Variants in CATSPERG observed in about 807,000 individuals in gnomAD.
CATSPERG encodes catsper channel auxiliary subunit gamma.
Under a neutral mutation model 145.0 loss-of-function variants are expected in CATSPERG, and 115 were observed. That is an observed-to-expected ratio of 0.79 (90% confidence interval 0.68 to 0.93). The LOEUF (loss-of-function observed/expected upper bound fraction) is 0.93. CATSPERG is among the 40% of genes least tolerant of loss of function. The pLI, the probability that CATSPERG is intolerant of heterozygous loss-of-function variation, is 0.00. For missense variants in CATSPERG, 1,296 were observed against 1,490.1 expected (o/e 0.87, Z 2.14); for synonymous variants, 588 against 589.0 (o/e 1.00, Z 0.02).
At chr19:38,354,580 A>T (rs1334773769) in intron 8 of CATSPERG, 130 bp from the exon 9 acceptor site, 1 of 1,069,666 alleles carries the variant, frequency 9.3e-7, no homozygotes, top group Non-Finnish European at 1.3e-6. Flanking sequence ...GCTCCCTGAC[A>T]CCACACTGAA....
In CATSPERG at chr19:38,346,591, T is replaced by TTC; in HGVS notation, c.818_819dup (p.Val274SerfsTer4). The stretch of plus-strand genomic sequence containing the variant: ...GATGACTGACACCAGCTTCAAGGAC[T>TTC]TCTCTCTCGTGGAGGTGAACGGTGT... On this transcript the variant is annotated frameshift_variant, in exon 7 of 29. Transcript: ENST00000409235. LOFTEE classifies it high-confidence loss of function. 1 of 1,551,150 alleles carries TTC rather than the reference T, an allele frequency of 6.4e-7. No individual in the cohort carries two copies. The highest frequency in any genetic ancestry group is 8.7e-7 in the Non-Finnish European group (1 of 1,146,536).
At position 38,360,533 on chromosome 19, in the gene CATSPERG, C is replaced by T. The variant is rs746772610; in HGVS notation, c.1653C>T (p.Phe551=). Reference sequence around the variant, plus strand: ...GCAGCTACCGGGTCTACCAGCTGTTCCCTTCCAAGGGCTGGCAGGTGCACA... The same window carrying T: ...GCAGCTACCGGGTCTACCAGCTGTTTCCTTCCAAGGGCTGGCAGGTGCACA... The part of the protein sequence containing the change: ...LEGSYRVYQL[F]PSKGWQVHIS... The change falls in exon 15 of 29, where the codon TTC becomes TTT. Residue 551 remains phenylalanine (F), a synonymous_variant. Transcript: ENST00000409235. The T allele has an allele frequency of 6.2e-7, 1 of 1,614,164 alleles. No individual in the cohort carries two copies. Among genetic ancestry groups the T allele is most frequent in the African/African-American group, 1.3e-5 (1 of 75,044 alleles).
In CATSPERG at chr19:38,343,369, C is replaced by T. The variant is rs1385060625; in HGVS notation, c.325-211C>T. Among the ~76,000 whole-genome samples, 4 of 152,196 alleles carry T rather than the reference C, an allele frequency of 2.6e-5. No homozygotes were observed. The South Asian group carries it at 6.2e-4, about 24-fold the overall frequency. ...ATCTCCTCCAGGAAGGCCTCCGACT[C>T]CCTCCACAGCCCCTTACCCCTCTGC... On this transcript the variant is annotated intron_variant, in intron 3 of 28. Transcript: ENST00000409235.
intron 13 of CATSPERG, among the ~76,000 whole-genome samples, chr19:38,359,240 C>A (rs1365226610): frequency 6.6e-6 from 1 of 152,086 alleles, no homozygotes; most frequent in Non-Finnish European, 1.5e-5. Flanking sequence ...CCTGAGCCAC[C>A]TTCTTGGGTG....
Position 38,360,733 on chromosome 19 carries a change from G to A in CATSPERG, c.1770G>A (p.Leu590=), listed in dbSNP as rs1363721615. ...LFYEDSKLYQ[L]VYLMNNQKGQ... ...CTGGCCCTGCCTTCCCCCTGCAGCTGGTGTACCTTATGAACAACCAGAAGG... is the reference window on the plus strand; with the variant it reads ...CTGGCCCTGCCTTCCCCCTGCAGCTAGTGTACCTTATGAACAACCAGAAGG... Residue 590 remains leucine (L), a splice_region_variant and synonymous_variant, in exon 16 of 29, where the codon CTG becomes CTA. Coordinates refer to ENST00000409235, the MANE Select transcript of CATSPERG (RefSeq NM_021185.5). The A allele has an allele frequency of 2.5e-6, 4 of 1,614,008 alleles. No homozygotes were observed. In the African/African-American group the frequency reaches 5.3e-5, roughly 22 times the overall value.
intron 3 of CATSPERG, among the ~76,000 whole-genome samples, chr19:38,340,004 G>A (rs915203694): frequency 1.3e-5 from 2 of 152,006 alleles, no homozygotes; most frequent in Admixed American, 6.6e-5. Flanking sequence ...ACAGGCATGC[G>A]CCACCATGCC....
At chr19:38,362,104 G>C in intron 17 of CATSPERG, 106 bp from the exon 18 acceptor site, 1 of 1,283,684 alleles carries the variant, frequency 7.8e-7, no homozygotes, top group Admixed American at 2.0e-5. Flanking sequence ...TTCTGCTCTG[G>C]GTTGGGGGCT....
intron 3 of CATSPERG, among the ~76,000 whole-genome samples, chr19:38,343,256 C>T (rs749921440): frequency 3.9e-5 from 6 of 152,120 alleles, no homozygotes; most frequent in Non-Finnish European, 1.5e-5. Context: ...GCATCCCTCC[C>T]ACCTGCACAG....
At chr19:38,367,413 T>G (rs1290498994) in intron 23 of CATSPERG, 96 bp from the exon 24 acceptor site, 1 of 1,560,386 alleles carries the variant, frequency 6.4e-7, no homozygotes, top group Non-Finnish European at 8.7e-7. Flanking sequence ...TACCCACCCT[T>G]TTTCCTGCGG....
intron 8 of CATSPERG, among the ~76,000 whole-genome samples, chr19:38,353,085 G>C (rs934554110): frequency 6.9e-6 from 1 of 144,366 alleles, no homozygotes; most frequent in Admixed American, 7.1e-5. Flanking sequence ...TGTAATCCTA[G>C]CACTTTGGGA....
intron 13 of CATSPERG, among the ~76,000 whole-genome samples, chr19:38,359,207 C>T (rs1257388056): frequency 2.0e-5 from 3 of 152,024 alleles, no homozygotes; most frequent in African/African-American, 4.8e-5. Context: ...GCCACCCTCT[C>T]GACCCTCAGG....
In CATSPERG at chr19:38,352,402, A is replaced by G. The variant is rs1440887941; in HGVS notation, c.967A>G (p.Thr323Ala). 6.4e-7 allele frequency: 1 copy of G among 1,551,294 alleles called. No homozygotes were observed. The highest frequency in any genetic ancestry group is 8.7e-7 in the Non-Finnish European group (1 of 1,147,058). Residue 323 changes from threonine (T) to alanine (A), a missense_variant, in exon 8 of 29, where the codon ACC becomes GCC. Transcript: ENST00000409235. Reference protein sequence around the residue: ...QLVYYFTGTYTTLYERNRGSG... With the variant: ...QLVYYFTGTYATLYERNRGSG... Reference sequence around the variant, plus strand: ...GGTCTACTATTTTACAGGCACCTATACCACACTCTATGAGAGAAACCGCGG... The same window carrying G: ...GGTCTACTATTTTACAGGCACCTATGCCACACTCTATGAGAGAAACCGCGG...
chr19:38,353,124 A>G (rs1208329594), intron 8 of CATSPERG, among the ~76,000 whole-genome samples: 4 of 151,022 alleles, frequency 2.6e-5, no homozygotes, highest in Non-Finnish European at 5.9e-5. Flanking sequence ...ACTTGAGGTC[A>G]GGAGTTCAAG....
At chr19:38,337,174 T>C in intron 1 of CATSPERG, 47 bp from the exon 2 acceptor site, 12 of 1,534,966 alleles carry the variant, frequency 7.8e-6, no homozygotes, top group African/African-American at 1.4e-5. Flanking sequence ...AAAAGTGGGC[T>C]CCAGAGAGCT....
intron 8 of CATSPERG, among the ~76,000 whole-genome samples, chr19:38,353,455 G>A (rs888004352): frequency 3.9e-5 from 6 of 152,126 alleles, no homozygotes; most frequent in Non-Finnish European, 5.9e-5. Flanking sequence ...TTGGGAGGCT[G>A]AGGCAGGTAG....
intron 11 of CATSPERG, 93 bp downstream of exon 11, chr19:38,356,954 CAGAG>C (rs1472304414): frequency 8.6e-6 from 13 of 1,502,924 alleles, no homozygotes; most frequent in Non-Finnish European, 2.7e-6. Flanking sequence ...GCCCAGCAGA[CAGAG>C]GGAGGGCAAC....
chr19:38,336,290 C>T (rs1191568287), intron 1 of CATSPERG: 5 of 436,850 alleles, frequency 1.1e-5, no homozygotes, highest in African/African-American at 2.1e-5. Context: ...GGAAAGATCC[C>T]GAGGCGAAGA....
At chr19:38,340,673 G>A (rs74709750) in intron 3 of CATSPERG, among the ~76,000 whole-genome samples, 4,830 of 151,794 alleles carry the variant, frequency 0.032, 159 homozygotes, top group East Asian at 0.13. Context: ...AGGCTGAAAT[G>A]CAGTGGCTTG....
intron 26 of CATSPERG, among the ~76,000 whole-genome samples, chr19:38,368,993 G>A (rs932159875): frequency 2.0e-5 from 3 of 151,894 alleles, no homozygotes; most frequent in South Asian, 2.1e-4. Context: ...TAGTAGAGAC[G>A]GGGTTTCACC....
Sources: allele counts gnomAD v4.1 joint callset (sites outside exome capture counted in the v4.1 genomes callset), GRCh38; gene constraint gnomAD v4.1.1; transcripts MANE v1.5; gene names NCBI Gene and HGNC (gene_info 2026-07-23, HGNC 2026-07-21).